The following RPS21 variants were observed in gnomAD, a reference collection of about 807,000 sequenced individuals.
RPS21 encodes small ribosomal subunit protein eS21.
In RPS21, 6 loss-of-function variants were observed where a neutral mutation model predicts 14.5. The observed-to-expected ratio is 0.41, with a 90% CI of 0.23 to 0.82. The LOEUF is 0.82. Ranked by LOEUF, RPS21 falls within the 40% of genes least tolerant of loss-of-function variation. The pLI, the probability that RPS21 is intolerant of heterozygous loss-of-function variation, is 0.31. For synonymous variants in RPS21, 61 were observed against 42.6 expected (o/e 1.43, Z -1.69); for missense variants, 85 against 115.0 (o/e 0.74, Z 1.19).
rs6121560 is a variant in RPS21, at chr20:62,388,439, C to G, written c.243-18C>G. 314 of 1,613,768 alleles carry G rather than the reference C, an allele frequency of 1.9e-4. No individual in the cohort carries two copies. The African/African-American group carries it at 3.7e-3, about 19-fold the overall frequency. On this transcript the variant is annotated intron_variant, in intron 5 of 5. Transcript: ENST00000343986. ...CCAGAGGCGTGGTCTTAACGTTGTC[C>G]TTTTCCCCTGGTTCTAGGAACTTTT... is the stretch of plus-strand genomic sequence containing the variant.
chr20:62,388,105 C>T (rs1469466253), intron 4 of RPS21, 191 bp downstream of exon 4: 4 of 1,522,602 alleles, frequency 2.6e-6, no homozygotes, highest in Middle Eastern at 1.8e-4. Flanking sequence ...GCAGCAGACT[C>T]TGCCTCTCAC....
chr20:62,387,599 C>T lies in RPS21; in HGVS notation c.51-12C>T. The T allele has an allele frequency of 6.2e-7, 1 of 1,609,602 alleles. No individual in the cohort carries two copies. Among genetic ancestry groups the T allele is most frequent in the Non-Finnish European group, 8.5e-7 (1 of 1,176,834 alleles). On this transcript the variant is annotated splice_polypyrimidine_tract_variant and intron_variant, in intron 2 of 5. Transcript: ENST00000343986. The stretch of plus-strand genomic sequence containing the variant: ...CCAAGTCCCCTCTGCTCACTGCGCC[C>T]TTTCTCCACAGCTCCGCTAGCAATC...
rs748887927 is a variant in RPS21, at chr20:62,387,911, G to A, written c.183G>A (p.Arg61=). ...ATGCTATCTGCGGGGCCATTCGTAG[G>A]ATGGTGAGTGTTTCCCTGGGCTTTG... The part of the protein sequence containing the change: ...KTYAICGAIR[R]MGESDDSILR... The change falls in exon 4 of 6, where the codon AGG becomes AGA. Residue 61 remains arginine, a synonymous_variant. Transcript: ENST00000343986. 1 of 1,614,248 alleles carries A rather than the reference G, an allele frequency of 6.2e-7. No individual in the cohort carries two copies. The highest frequency in any genetic ancestry group is 1.7e-5 in the Admixed American group (1 of 60,028).
intron 2 of RPS21, 97 bp from the exon 3 acceptor site, chr20:62,387,514 G>T: frequency 6.3e-7 from 1 of 1,586,488 alleles, no homozygotes; most frequent in Non-Finnish European, 8.6e-7. Context: ...TGCCCCCGAC[G>T]TTACTCTTTT....
chr20:62,387,234 TG>T, intron 1 of RPS21, 86 bp from the exon 2 acceptor site: 2 of 966,116 alleles, frequency 2.1e-6, no homozygotes, highest in Non-Finnish European at 3.1e-6. Context: ...TGGGTGCGGC[TG>T]GGGCCGTGAC....
chr20:62,387,318 C>G lies in RPS21; in HGVS notation c.-18-3C>G. 6.3e-7 allele frequency: 1 copy of G among 1,586,642 alleles called. No individual in the cohort carries two copies. ...CTCACGGCGCCGCGCGGTGACTCCC[C>G]AGGCGCAGCCCAGCCTCGAAATGCA... On this transcript the variant is annotated splice_region_variant and splice_polypyrimidine_tract_variant and intron_variant, in intron 1 of 5. Coordinates refer to ENST00000343986, the MANE Select transcript of RPS21 (RefSeq NM_001024.4).
intron 1 of RPS21, 90 bp from the exon 2 acceptor site, chr20:62,387,231 G>A (rs1160444478): frequency 3.2e-6 from 3 of 934,818 alleles, no homozygotes; most frequent in Non-Finnish European, 4.9e-6. Flanking sequence ...TGCTGGGTGC[G>A]GCTGGGGCCG....
In RPS21 at chr20:62,388,504, TAAA is replaced by T; in HGVS notation, c.*39_*41del. 6.2e-7 allele frequency: 1 copy of T among 1,608,952 alleles called. No homozygotes were observed. The highest frequency in any genetic ancestry group is 8.5e-7 in the Non-Finnish European group (1 of 1,175,468). On this transcript the variant is annotated 3_prime_UTR_variant, in exon 6 of 6. Transcript: ENST00000343986. ...ACAGATGTGGAATATTTGTCATAAATAAATAATGAAAACCTACCTGTGCAGGTT... is the reference window on the plus strand; with the variant it reads ...ACAGATGTGGAATATTTGTCATAAATTAATGAAAACCTACCTGTGCAGGTT...
intron 2 of RPS21, 47 bp from the exon 3 acceptor site, chr20:62,387,564 T>C (rs968057634): frequency 3.8e-6 from 6 of 1,596,498 alleles, no homozygotes; most frequent in Non-Finnish European, 5.1e-6. Flanking sequence ...CCCTCTTTCA[T>C]TCTTACCGCC....
chr20:62,388,045 G>A (rs753328966), intron 4 of RPS21, 131 bp downstream of exon 4: 10 of 1,564,982 alleles, frequency 6.4e-6, no homozygotes, highest in Admixed American at 1.9e-5. Context: ...TGGGCTGGCC[G>A]CCTGCCGCTT....
Position 62,387,119 on chromosome 20 carries a change from G to T in RPS21, c.-36G>T, listed in dbSNP as rs1221967599. 8 of 470,910 alleles carry T rather than the reference G, an allele frequency of 1.7e-5. No individual in the cohort carries two copies. In the South Asian group the frequency reaches 2.5e-4, roughly 15 times the overall value. 29.2% of individuals were successfully genotyped at this position (470,910 alleles called of 1,614,324 possible). Reference sequence around the variant, plus strand: ...TAGCTGCTTCCTTTCTCTCTCGCGCGCGGTGTGGTGGCAGCAGGTGTGGCG... The same window carrying T: ...TAGCTGCTTCCTTTCTCTCTCGCGCTCGGTGTGGTGGCAGCAGGTGTGGCG... On this transcript the variant is annotated 5_prime_UTR_variant, in exon 1 of 6. Coordinates refer to ENST00000343986, the MANE Select transcript of RPS21 (RefSeq NM_001024.4).
Position 62,388,147 on chromosome 20 carries a change from TAGTC to T in RPS21, c.187-159_187-156del, listed in dbSNP as rs1987812974. ...GTGCCCCCCCGACCCCGCTCCACCA[TAGTC>T]AGGCTGCAGGCTGCCCCGGGAGAGG... On this transcript the variant is annotated intron_variant, in intron 4 of 5. Coordinates refer to ENST00000343986, the MANE Select transcript of RPS21 (RefSeq NM_001024.4). 4.0e-6 allele frequency: 6 copies of T among 1,483,454 alleles called. 1 individual carries two copies. Among genetic ancestry groups the T allele is most frequent in the Non-Finnish European group, 4.5e-6 (5 of 1,107,884 alleles). The allele number at this position is 1,483,454 out of a possible 1,614,324, so 91.9% of individuals were successfully genotyped here. A position where few individuals can be genotyped will look rare whatever the true frequency, so the allele number is the denominator to read the frequency against.
chr20:62,387,112 C>G lies in RPS21; in HGVS notation c.-43C>G. 6.4e-6 allele frequency: 3 copies of G among 472,148 alleles called. No individual in the cohort carries two copies. The highest frequency in any genetic ancestry group is 7.4e-6 in the Non-Finnish European group (2 of 269,684). 29.2% of individuals were successfully genotyped at this position (472,148 alleles called of 1,614,324 possible). A position where few individuals can be genotyped will look rare whatever the true frequency, so the allele number is the denominator to read the frequency against. On this transcript the variant is annotated 5_prime_UTR_variant, in exon 1 of 6. Transcript: ENST00000343986. Reference sequence around the variant, plus strand: ...GGGTGACTAGCTGCTTCCTTTCTCTCTCGCGCGCGGTGTGGTGGCAGCAGG... The same window carrying G: ...GGGTGACTAGCTGCTTCCTTTCTCTGTCGCGCGCGGTGTGGTGGCAGCAGG...
chr20:62,387,890 T>G lies in RPS21; in HGVS notation c.162T>G (p.Ala54=), dbSNP rs1987796484. The G allele has an allele frequency of 3.1e-6, 5 of 1,614,094 alleles. No homozygotes were observed. Among genetic ancestry groups the G allele is most frequent in the Non-Finnish European group, 4.2e-6 (5 of 1,180,054 alleles). The change falls in exon 4 of 6, where the codon GCT becomes GCG. Residue 54 remains alanine, a synonymous_variant. Transcript: ENST00000343986. ...TTAATGGCCAGTTTAAAACTTATGCTATCTGCGGGGCCATTCGTAGGATGG... is the reference window on the plus strand; with the variant it reads ...TTAATGGCCAGTTTAAAACTTATGCGATCTGCGGGGCCATTCGTAGGATGG... ...GRFNGQFKTY[A]ICGAIRRMGE... is the part of the protein sequence containing the mutation.
chr20:62,388,407 G>T (rs1228721410), intron 5 of RPS21, 43 bp downstream of exon 5: 2 of 1,613,556 alleles, frequency 1.2e-6, no homozygotes, highest in African/African-American at 2.7e-5. Context: ...AGTGGACTAG[G>T]ACTGCTCCAG....
At position 62,388,444 on chromosome 20, in the gene RPS21, C is replaced by T. The variant is rs1483640003; in HGVS notation, c.243-13C>T. ...GGCGTGGTCTTAACGTTGTCCTTTT[C>T]CCCTGGTTCTAGGAACTTTTGACTG... On this transcript the variant is annotated splice_polypyrimidine_tract_variant and intron_variant, in intron 5 of 5. Coordinates refer to ENST00000343986, the MANE Select transcript of RPS21 (RefSeq NM_001024.4). 7.4e-6 allele frequency: 12 copies of T among 1,613,666 alleles called. No homozygotes were observed. The highest frequency in any genetic ancestry group is 2.2e-5 in the South Asian group (2 of 91,070).
chr20:62,388,132 G>C (rs6121395), intron 4 of RPS21, 177 bp from the exon 5 acceptor site: 837,251 of 1,487,050 alleles, frequency 0.56, 245,237 homozygotes, highest in African/African-American at 0.91. Context: ...GTGCCCCCCC[G>C]ACCCCGCTCC....
At position 62,387,317 on chromosome 20, in the gene RPS21, C is replaced by A; in HGVS notation, c.-18-4C>A. The A allele has an allele frequency of 6.3e-7, 1 of 1,585,680 alleles. No homozygotes were observed. The highest frequency in any genetic ancestry group is 1.3e-5 in the African/African-American group (1 of 74,330). On this transcript the variant is annotated splice_region_variant and splice_polypyrimidine_tract_variant and intron_variant, in intron 1 of 5. Coordinates refer to ENST00000343986, the MANE Select transcript of RPS21 (RefSeq NM_001024.4). ...ACTCACGGCGCCGCGCGGTGACTCC[C>A]CAGGCGCAGCCCAGCCTCGAAATGC... is the stretch of plus-strand genomic sequence containing the variant.
Position 62,388,132 on chromosome 20 carries a change from G to T in RPS21, c.187-177G>T, listed in dbSNP as rs6121395. The T allele has an allele frequency of 2.5e-4, 374 of 1,488,856 alleles. 1 individual carries two copies. In the African/African-American group the frequency reaches 4.5e-3, roughly 18 times the overall value. 92.2% of individuals were successfully genotyped at this position (1,488,856 alleles called of 1,614,324 possible). ...GCCTCTCACTAGGAGGTGCCCCCCCGACCCCGCTCCACCATAGTCAGGCTG... is the reference window on the plus strand; with the variant it reads ...GCCTCTCACTAGGAGGTGCCCCCCCTACCCCGCTCCACCATAGTCAGGCTG... On this transcript the variant is annotated intron_variant, in intron 4 of 5. Coordinates refer to ENST00000343986, the MANE Select transcript of RPS21 (RefSeq NM_001024.4).
Sources: gnomAD v4.1 joint callset for allele counts on GRCh38, gnomAD v4.1.1 for gene constraint, MANE v1.5 for transcripts, NCBI Gene and HGNC (gene_info 2026-07-23, HGNC 2026-07-21) for gene names.